The following SHISA6 variants were observed in gnomAD, a reference collection of about 807,000 sequenced individuals.
SHISA6 encodes shisa family member 6.
Under a neutral mutation model 47.9 loss-of-function variants are expected in SHISA6, and 22 were observed. That is an observed-to-expected ratio of 0.46 (90% CI 0.33 to 0.66). The LOEUF (loss-of-function observed/expected upper bound fraction) is 0.66, where lower values mean the gene tolerates loss of function less well. Among genes scored for constraint, SHISA6 ranks in the 30% least tolerant of loss-of-function variants. The pLI is 0.02. For missense variants in SHISA6, 680 were observed against 764.6 expected (o/e 0.89, Z 1.30); for synonymous variants, 388 against 337.8 (o/e 1.15, Z -1.63).
chr17:11,557,847 CCCAA>C lies in SHISA6; in HGVS notation c.1201_1204del (p.Gln401ArgfsTer91). 6.4e-7 allele frequency: 1 copy of C among 1,551,420 alleles called. No homozygotes were observed. Among genetic ancestry groups the C allele is most frequent in the East Asian group, 2.4e-5 (1 of 40,904 alleles). Reference sequence around the variant, plus strand: ...CTCCCCCTCAATGTCATCCAGATGTCCCAACAGAAGCCGTTGCCAAGGGAACGAC... The same window carrying C: ...CTCCCCCTCAATGTCATCCAGATGTCCAGAAGCCGTTGCCAAGGGAACGAC... On this transcript the variant is annotated frameshift_variant, in exon 6 of 6. Transcript: ENST00000441885. LOFTEE classifies it high-confidence loss of function.
chr17:11,249,307 T>C (rs965870036), intron 1 of SHISA6, among the ~76,000 whole-genome samples: 8 of 151,592 alleles, frequency 5.3e-5, no homozygotes, highest in South Asian at 2.1e-4. Context: ...TGCGCGTGCG[T>C]GTGTGTGGAC....
At chr17:11,458,042 G>T (rs952559181) in intron 3 of SHISA6, among the ~76,000 whole-genome samples, 1 of 145,374 alleles carries the variant, frequency 6.9e-6, no homozygotes, top group Non-Finnish European at 1.5e-5. Context: ...CCGAGATCAC[G>T]CCACTGCACT....
At chr17:11,491,000 C>G (rs1916461486) in intron 3 of SHISA6, among the ~76,000 whole-genome samples, 1 of 151,596 alleles carries the variant, frequency 6.6e-6, no homozygotes, top group South Asian at 2.1e-4. Flanking sequence ...ATCTCAGCCT[C>G]CCTGACCACA....
At chr17:11,352,980 C>T (rs186158649) in intron 2 of SHISA6, among the ~76,000 whole-genome samples, 1 of 152,316 alleles carries the variant, frequency 6.6e-6, no homozygotes, top group African/African-American at 2.4e-5. Context: ...TGATTGCCTT[C>T]CACCCTAACC....
At chr17:11,509,951 A>G (rs550794336) in intron 3 of SHISA6, among the ~76,000 whole-genome samples, 1 of 152,250 alleles carries the variant, frequency 6.6e-6, no homozygotes, top group African/African-American at 2.4e-5. Flanking sequence ...AAAGAAGCAG[A>G]CTCAAGGTCT....
At chr17:11,260,018 A>G (rs1908166638) in intron 1 of SHISA6, among the ~76,000 whole-genome samples, 1 of 152,248 alleles carries the variant, frequency 6.6e-6, no homozygotes, top group South Asian at 2.1e-4. Flanking sequence ...ATCACATGAG[A>G]CAGGGCAGGT....
At chr17:11,544,326 C>T (rs1041568038) in intron 3 of SHISA6, among the ~76,000 whole-genome samples, 2 of 151,992 alleles carry the variant, frequency 1.3e-5, no homozygotes, top group Non-Finnish European at 2.9e-5. Context: ...TAATAATGGA[C>T]TAATATCTAG....
intron 1 of SHISA6, among the ~76,000 whole-genome samples, chr17:11,255,177 A>G (rs899395644): frequency 6.6e-6 from 1 of 152,222 alleles, no homozygotes; most frequent in African/African-American, 2.4e-5. Flanking sequence ...TAACTGAATG[A>G]CAGGCTGAAT....
chr17:11,256,995 T>C (rs1908036015), intron 1 of SHISA6, among the ~76,000 whole-genome samples: 1 of 152,140 alleles, frequency 6.6e-6, no homozygotes, highest in Non-Finnish European at 1.5e-5. Context: ...TCCTGCGACG[T>C]TTATTGGCCA....
chr17:11,371,447 G>T (rs958809931), intron 2 of SHISA6, among the ~76,000 whole-genome samples: 1 of 152,150 alleles, frequency 6.6e-6, no homozygotes, highest in Admixed American at 6.5e-5. Flanking sequence ...ACCCCAGGGA[G>T]GTACATGGGA....
chr17:11,300,270 A>T (rs1909880773), intron 2 of SHISA6, among the ~76,000 whole-genome samples: 1 of 152,174 alleles, frequency 6.6e-6, no homozygotes, highest in South Asian at 2.1e-4. Flanking sequence ...ACAATACCCG[A>T]AGCATGAGTT....
At chr17:11,264,954 G>A (rs1219779882) in intron 2 of SHISA6, among the ~76,000 whole-genome samples, 1 of 152,162 alleles carries the variant, frequency 6.6e-6, no homozygotes, top group Admixed American at 6.5e-5. Context: ...TTCATCCAAA[G>A]TTAAAAACCT....
chr17:11,250,636 T>A (rs905108235), intron 1 of SHISA6, among the ~76,000 whole-genome samples: 1 of 152,194 alleles, frequency 6.6e-6, no homozygotes, highest in Non-Finnish European at 1.5e-5. Flanking sequence ...GCTGGGCATT[T>A]GTACTGCCCC....
chr17:11,441,541 C>CT (rs1321189659), intron 3 of SHISA6, among the ~76,000 whole-genome samples: 9 of 152,174 alleles, frequency 5.9e-5, no homozygotes, highest in Non-Finnish European at 1.2e-4. Context: ...TTAAGAGTCA[C>CT]TTTTAGTTTA....
At chr17:11,397,677 T>C (rs1314725824) in intron 3 of SHISA6, among the ~76,000 whole-genome samples, 2 of 145,888 alleles carry the variant, frequency 1.4e-5, no homozygotes, top group Non-Finnish European at 2.9e-5. Flanking sequence ...TATGTTACTT[T>C]TTTTTTTTTT....
At chr17:11,448,799 C>T (rs186763615) in intron 3 of SHISA6, among the ~76,000 whole-genome samples, 66 of 151,648 alleles carry the variant, frequency 4.4e-4, no homozygotes, top group African/African-American at 1.6e-3. Flanking sequence ...GCACTCCAGC[C>T]TGGGTGACAA....
intron 2 of SHISA6, among the ~76,000 whole-genome samples, chr17:11,277,280 T>TCTCTCTCTCTCACACA (rs1386997909): frequency 1.2e-3 from 64 of 53,904 alleles, no homozygotes; most frequent in Middle Eastern, 0.015. Flanking sequence ...TCTCTCTCTC[T>TCTCTCTCTCTCACACA]CACACACACA....
At chr17:11,406,228 T>G (rs205072) in intron 3 of SHISA6, among the ~76,000 whole-genome samples, 61,322 of 152,008 alleles carry the variant, frequency 0.4, 13,616 homozygotes, top group East Asian at 0.65. Context: ...AACCTCTCAC[T>G]CACACATCCC....
intron 3 of SHISA6, among the ~76,000 whole-genome samples, chr17:11,488,710 G>T (rs1269752170): frequency 1.3e-5 from 2 of 152,164 alleles, no homozygotes; most frequent in African/African-American, 4.8e-5. Context: ...TTAACAAAAA[G>T]AGTGTGCATC....
Sources: allele counts gnomAD v4.1 joint callset (sites outside exome capture counted in the v4.1 genomes callset), GRCh38; gene constraint gnomAD v4.1.1; transcripts MANE v1.5; gene names NCBI Gene and HGNC (gene_info 2026-07-23, HGNC 2026-07-21).